C10orf90: variants seen among roughly 807,000 people sequenced by gnomAD.
C10orf90 encodes (E2-independent) E3 ubiquitin-conjugating enzyme FATS.
A neutral mutation model predicts 62.5 loss-of-function variants in C10orf90; 56 were observed. That is an observed-to-expected ratio of 0.90 (90% CI 0.72 to 1.12). C10orf90 has a LOEUF of 1.12. Among genes scored for constraint, C10orf90 ranks in the 50% most tolerant of loss-of-function variants. C10orf90 has a pLI of 0.00. For synonymous variants in C10orf90, 386 were observed against 340.4 expected, an observed-to-expected ratio of 1.13 and a Z score of -1.47; for missense variants, 970 against 880.4, an observed-to-expected ratio of 1.10 and a Z score of -1.29.
chr10:126,670,623 G>T lies in C10orf90; in HGVS notation c.-143C>A. The T allele has an allele frequency of 5.8e-6, 2 of 344,760 alleles. No individual in the cohort carries two copies. Among genetic ancestry groups the T allele is most frequent in the Non-Finnish European group, 1.1e-5 (2 of 180,238 alleles). 21.4% of individuals were successfully genotyped at this position (344,760 alleles called of 1,614,324 possible). On this transcript the variant is annotated 5_prime_UTR_variant, in exon 1 of 10. Coordinates refer to ENST00000488181, the MANE Select transcript of C10orf90 (RefSeq NM_001350921.2). ...CCAGTGTTTTCCAACTCCAGAGCTA[G>T]TTGTCTCAATATCCCAGCTACATTT...
intron 4 of C10orf90, among the ~76,000 whole-genome samples, chr10:126,465,610 G>A (rs1329403309): frequency 1.3e-5 from 2 of 152,108 alleles, no homozygotes; most frequent in African/African-American, 2.4e-5. Flanking sequence ...TACGTACTAT[G>A]GCGAATACAG....
intron 2 of C10orf90, among the ~76,000 whole-genome samples, chr10:126,641,206 T>C (rs185522660): frequency 6.6e-6 from 1 of 152,154 alleles, no homozygotes; most frequent in Non-Finnish European, 1.5e-5. Context: ...TAAGGGATCC[T>C]AGAACAACCC....
intron 1 of C10orf90, among the ~76,000 whole-genome samples, chr10:126,669,580 G>A (rs1846704408): frequency 6.6e-6 from 1 of 152,138 alleles, no homozygotes; most frequent in Non-Finnish European, 1.5e-5. Flanking sequence ...TTTCATGCGT[G>A]TTTACTTTCT....
chr10:126,495,843 TC>T (rs1862017520), intron 4 of C10orf90, among the ~76,000 whole-genome samples: 1 of 152,182 alleles, frequency 6.6e-6, no homozygotes, highest in Non-Finnish European at 1.5e-5. Context: ...CAAGATCCCT[TC>T]TAAATTCACT....
At chr10:126,585,336 AGG>A (rs1318559935) in intron 2 of C10orf90, among the ~76,000 whole-genome samples, 1 of 147,310 alleles carries the variant, frequency 6.8e-6, no homozygotes, top group Non-Finnish European at 1.5e-5. Flanking sequence ...AGAGGGAGAG[AGG>A]GAGACAGGCA....
intron 2 of C10orf90, chr10:126,524,626 G>T: frequency 2.0e-6 from 2 of 985,506 alleles, no homozygotes; most frequent in Non-Finnish European, 2.4e-6. Flanking sequence ...TGCTGGGAGG[G>T]GTCCAGACGG....
At chr10:126,595,581 C>A (rs1312133157) in intron 2 of C10orf90, among the ~76,000 whole-genome samples, 2 of 152,148 alleles carry the variant, frequency 1.3e-5, no homozygotes, top group Non-Finnish European at 2.9e-5. Context: ...AGGTGTGGTA[C>A]TCTAGGAGGA....
At chr10:126,583,581 C>T (rs981723452) in intron 2 of C10orf90, among the ~76,000 whole-genome samples, 4 of 152,262 alleles carry the variant, frequency 2.6e-5, no homozygotes, top group Non-Finnish European at 5.9e-5. Flanking sequence ...GCTCAGACTT[C>T]AGCCTGACAT....
At chr10:126,481,267 T>C (rs546407469) in intron 4 of C10orf90, among the ~76,000 whole-genome samples, 2 of 152,356 alleles carry the variant, frequency 1.3e-5, no homozygotes, top group African/African-American at 4.8e-5. Context: ...CTTATCACCA[T>C]TGAAATATCT....
intron 4 of C10orf90, among the ~76,000 whole-genome samples, chr10:126,486,328 T>C (rs145374824): frequency 1.3e-5 from 2 of 152,268 alleles, no homozygotes; most frequent in African/African-American, 4.8e-5. Context: ...GGAAATCCCA[T>C]CTGAAGGAAC....
chr10:126,576,465 T>G (rs1844612831), intron 2 of C10orf90, among the ~76,000 whole-genome samples: 1 of 151,932 alleles, frequency 6.6e-6, no homozygotes, highest in Admixed American at 6.6e-5. Context: ...TATACACTGT[T>G]GGTGGGAATG....
chr10:126,427,645 C>T (rs945713675), intron 8 of C10orf90, among the ~76,000 whole-genome samples: 4 of 152,098 alleles, frequency 2.6e-5, no homozygotes, highest in Non-Finnish European at 4.4e-5. Context: ...AGATGCTCCT[C>T]CTCCCGCCCC....
intron 2 of C10orf90, among the ~76,000 whole-genome samples, chr10:126,529,922 G>A (rs1864047582): frequency 6.6e-6 from 1 of 152,036 alleles, no homozygotes; most frequent in Non-Finnish European, 1.5e-5. Context: ...GGAATAAAAA[G>A]CTGCTAATTA....
chr10:126,657,574 T>C (rs934006196), intron 1 of C10orf90, among the ~76,000 whole-genome samples: 3 of 152,284 alleles, frequency 2.0e-5, no homozygotes, highest in Admixed American at 6.5e-5. Flanking sequence ...GCTGTGCTTT[T>C]GATATCACCA....
intron 2 of C10orf90, among the ~76,000 whole-genome samples, chr10:126,600,120 C>A (rs911621385): frequency 6.6e-6 from 1 of 151,878 alleles, no homozygotes; most frequent in African/African-American, 2.4e-5. Context: ...TGCGTGTGCA[C>A]GCAGGTGTGT....
intron 2 of C10orf90, among the ~76,000 whole-genome samples, chr10:126,580,174 A>G (rs555128267): frequency 7.2e-5 from 11 of 152,278 alleles, no homozygotes; most frequent in Admixed American, 2.6e-4. Context: ...CTGGTAAAGG[A>G]AAATACCTGA....
chr10:126,646,644 A>C lies in C10orf90; in HGVS notation c.241-7T>G, dbSNP rs1035036455. 74 of 435,430 alleles carry C rather than the reference A, an allele frequency of 1.7e-4. No homozygotes were observed. The highest frequency in any genetic ancestry group is 3.3e-4 in the Middle Eastern group (1 of 2,994). 27.0% of individuals were successfully genotyped at this position (435,430 alleles called of 1,614,324 possible). On this transcript the variant is annotated splice_region_variant and splice_polypyrimidine_tract_variant and intron_variant, in intron 1 of 9. Transcript: ENST00000488181. ...AGAAGAGTCGACTGTGGATCTAGAA[A>C]ACAAACAGAAATATTTCCCAATTTC...
chr10:126,617,739 C>G lies in C10orf90; in HGVS notation c.313+28826G>C, dbSNP rs1845570145. Among the ~76,000 whole-genome samples, 3 of 152,214 alleles carry G rather than the reference C, an allele frequency of 2.0e-5. No individual in the cohort carries two copies. In the South Asian group the frequency reaches 6.2e-4, roughly 32 times the overall value. On this transcript the variant is annotated intron_variant, in intron 2 of 9. Coordinates refer to ENST00000488181, the MANE Select transcript of C10orf90 (RefSeq NM_001350921.2). Reference sequence around the variant, plus strand: ...TGTGTCCTGGTCTCCTCTCTCAGATCAGATTTGCCAGGCTGATCTGCTACC... The same window carrying G: ...TGTGTCCTGGTCTCCTCTCTCAGATGAGATTTGCCAGGCTGATCTGCTACC...
intron 2 of C10orf90, among the ~76,000 whole-genome samples, chr10:126,629,832 G>A (rs1357630265): frequency 1.3e-5 from 2 of 151,808 alleles, no homozygotes; most frequent in Non-Finnish European, 2.9e-5. Flanking sequence ...CCAGGGACAG[G>A]CCAGGCAGAG....
Sources: gnomAD v4.1 joint callset for allele counts (sites outside exome capture counted in the v4.1 genomes callset) on GRCh38, gnomAD v4.1.1 for gene constraint, MANE v1.5 for transcripts, NCBI Gene and HGNC (gene_info 2026-07-23, HGNC 2026-07-21) for gene names.